KIAA1549: variants seen among roughly 807,000 people sequenced by gnomAD.
KIAA1549 encodes UPF0606 protein KIAA1549.
Under a neutral mutation model 156.4 loss-of-function variants are expected in KIAA1549, and 70 were observed. The ratio of observed to expected loss-of-function variants is 0.45; its 90% CI spans 0.37 to 0.55. The LOEUF (loss-of-function observed/expected upper bound fraction) is 0.55. Ranked by LOEUF, KIAA1549 falls within the 20% of genes least tolerant of loss-of-function variation. The probability of loss-of-function intolerance (pLI) is 0.00; values close to 1 mark genes in which losing one functional copy is unlikely to be tolerated. For synonymous variants in KIAA1549, 1,103 were observed against 1,066.4 expected, an observed-to-expected ratio of 1.03 and a Z score of -0.67; for missense variants, 2,428 against 2,540.9, an observed-to-expected ratio of 0.96 and a Z score of 0.96.
At chr7:138,965,411 G>A (rs573005121) in intron 1 of KIAA1549, among the ~76,000 whole-genome samples, 2 of 152,256 alleles carry the variant, frequency 1.3e-5, no homozygotes, top group African/African-American at 4.8e-5. Flanking sequence ...GGCTGGTCTT[G>A]AACTCCTGGG....
At chr7:138,891,922 AATG>A (rs1811559089) in intron 10 of KIAA1549, among the ~76,000 whole-genome samples, 1 of 152,200 alleles carries the variant, frequency 6.6e-6, no homozygotes, top group Non-Finnish European at 1.5e-5. Context: ...TTTTAAACTA[AATG>A]AAGAGATCAT....
At chr7:138,920,168 C>CG in intron 1 of KIAA1549, among the ~76,000 whole-genome samples, 2 of 145,708 alleles carry the variant, frequency 1.4e-5, no homozygotes, top group Non-Finnish European at 1.5e-5. Context: ...CTGGAATGCC[C>CG]TTCCCAGCTC....
intron 10 of KIAA1549, among the ~76,000 whole-genome samples, chr7:138,887,175 G>C (rs1811416857): frequency 6.6e-6 from 1 of 151,976 alleles, no homozygotes; most frequent in Non-Finnish European, 1.5e-5. Flanking sequence ...CTCCCAAAGT[G>C]CTGGCATTAC....
At chr7:138,884,622 T>G (rs1357510527) in intron 10 of KIAA1549, among the ~76,000 whole-genome samples, 1 of 152,270 alleles carries the variant, frequency 6.6e-6, no homozygotes, top group African/African-American at 2.4e-5. Context: ...TGTTTTTGTT[T>G]TTGTTTAATT....
In KIAA1549 at chr7:138,877,533, T is replaced by C. The variant is rs146279068; in HGVS notation, c.4345+2005A>G. On this transcript the variant is annotated intron_variant, in intron 12 of 19. Coordinates refer to ENST00000422774, the MANE Select transcript of KIAA1549 (RefSeq NM_001164665.2). Reference sequence around the variant, plus strand: ...TTTAAAAAATAAAATAACTGAAAGCTAGGAGAAAAACTCAGAATATTTTAA... The same window carrying C: ...TTTAAAAAATAAAATAACTGAAAGCCAGGAGAAAAACTCAGAATATTTTAA... Among the ~76,000 whole-genome samples the C allele has an allele frequency of 8.5e-5, 13 of 152,270 alleles. No individual in the cohort carries two copies. The East Asian group carries it at 2.5e-3, about 29-fold the overall frequency.
intron 2 of KIAA1549, 36 bp from the exon 3 acceptor site, chr7:138,912,496 T>C (rs1394392915): frequency 6.5e-7 from 1 of 1,538,622 alleles, no homozygotes; most frequent in Non-Finnish European, 9.0e-7. Flanking sequence ...TGCCTTTTCA[T>C]GTCATTATGA....
In KIAA1549 at chr7:138,981,247, C is replaced by G. The variant is rs1814543677; in HGVS notation, c.23G>C (p.Arg8Pro). The part of the protein sequence containing the change: MPGARRR[R>P]RGAAMEGKPR... ...CTTCCCCTCCATGGCCGCGCCTCGGCGTCGGCGCCGCGCCCCCGGCATTCC... is the reference window on the plus strand; with the variant it reads ...CTTCCCCTCCATGGCCGCGCCTCGGGGTCGGCGCCGCGCCCCCGGCATTCC... The change falls in exon 1 of 20, where the codon CGC (arginine) becomes CCC (proline). Residue 8 changes from arginine to proline, a missense_variant. Transcript: ENST00000422774. This position sits in a 1 kb window ranked among gnomAD's most constrained non-coding sequence, Gnocchi z 4.5. 1.0e-6 allele frequency: 1 copy of G among 982,634 alleles called. No homozygotes were observed. Among genetic ancestry groups the G allele is most frequent in the Non-Finnish European group, 1.2e-6 (1 of 829,522 alleles). The allele number at this position is 982,634 out of a possible 1,614,324, so 60.9% of individuals were successfully genotyped here. A position where few individuals can be genotyped will look rare whatever the true frequency, so the allele number is the denominator to read the frequency against.
chr7:138,948,507 G>A (rs1212495097), intron 1 of KIAA1549, among the ~76,000 whole-genome samples: 1 of 152,160 alleles, frequency 6.6e-6, no homozygotes, highest in African/African-American at 2.4e-5. Context: ...AACCGTGAGA[G>A]TAAACTTCTG....
chr7:138,872,146 G>A (rs550341654), intron 12 of KIAA1549, among the ~76,000 whole-genome samples: 1 of 151,928 alleles, frequency 6.6e-6, no homozygotes, highest in Non-Finnish European at 1.5e-5. Context: ...AAGGTTTCAC[G>A]ATATTGTCCA....
intron 17 of KIAA1549, among the ~76,000 whole-genome samples, chr7:138,849,889 T>C (rs868593942): frequency 6.6e-6 from 1 of 152,200 alleles, no homozygotes; most frequent in African/African-American, 2.4e-5. Flanking sequence ...GCAAAAGACA[T>C]GATTTCGCTC....
At chr7:138,856,540 A>G (rs926030936) in intron 16 of KIAA1549, among the ~76,000 whole-genome samples, 5 of 152,124 alleles carry the variant, frequency 3.3e-5, no homozygotes, top group African/African-American at 9.7e-5. Flanking sequence ...TCTGACAACC[A>G]TTCTTCACTC....
chr7:138,871,070 G>A (rs562855688), intron 13 of KIAA1549, 87 bp downstream of exon 13: 56 of 1,280,450 alleles, frequency 4.4e-5, no homozygotes, highest in Non-Finnish European at 5.7e-5. Context: ...GCCTGCCTTG[G>A]CCCCCCCAAG....
chr7:138,968,417 C>G (rs931989051), intron 1 of KIAA1549, among the ~76,000 whole-genome samples: 1 of 152,098 alleles, frequency 6.6e-6, no homozygotes, highest in Non-Finnish European at 1.5e-5. Context: ...TAATATTAAA[C>G]AGAAATTTTT....
chr7:138,934,270 C>G (rs1812948055), intron 1 of KIAA1549, among the ~76,000 whole-genome samples: 2 of 152,064 alleles, frequency 1.3e-5, no homozygotes, highest in South Asian at 4.2e-4. Flanking sequence ...CCACAAGACA[C>G]AGGGTACCTG....
At chr7:138,844,758 C>G (rs1007942561) in intron 17 of KIAA1549, among the ~76,000 whole-genome samples, 13 of 152,046 alleles carry the variant, frequency 8.6e-5, no homozygotes, top group African/African-American at 3.1e-4. Context: ...TCCTGTGCTT[C>G]CTACCCCTGG....
At chr7:138,968,193 T>C (rs771268445) in intron 1 of KIAA1549, among the ~76,000 whole-genome samples, 6 of 151,646 alleles carry the variant, frequency 4.0e-5, no homozygotes, top group Admixed American at 1.3e-4. Context: ...TCTCGGTAGG[T>C]GGGGTGGGAG....
rs74700697 is a variant in KIAA1549 at position 138,895,264 on chromosome 7, C to T, written c.3848-738G>A. On this transcript the variant is annotated intron_variant, in intron 9 of 19. Transcript: ENST00000422774. Reference sequence around the variant, plus strand: ...CAAAGCAAAACAGAGTAAGGAGATACGACATGTGCACCAGTGCAACTGGTC... The same window carrying T: ...CAAAGCAAAACAGAGTAAGGAGATATGACATGTGCACCAGTGCAACTGGTC... Among the ~76,000 whole-genome samples the T allele has an allele frequency of 9.9e-4, 150 of 152,246 alleles. No individual in the cohort carries two copies. In the East Asian group the frequency reaches 0.025, roughly 25 times the overall value.
At chr7:138,957,629 C>A (rs931738596) in intron 1 of KIAA1549, among the ~76,000 whole-genome samples, 2 of 152,218 alleles carry the variant, frequency 1.3e-5, no homozygotes, top group Admixed American at 1.3e-4. Context: ...AGGTTCGCAT[C>A]ATGACACCCA....
At position 138,981,066 on chromosome 7, in the gene KIAA1549, G is replaced by C; in HGVS notation, c.187+17C>G. On this transcript the variant is annotated intron_variant, in intron 1 of 19. Transcript: ENST00000422774. The surrounding 1 kb of genome is among the most constrained non-coding windows in gnomAD (Gnocchi z 4.5). ...GCGGGGTCGCGGCCGCGTTCCGAGGGTCTCGGCGGAGCTTACCTGGGGCGC... is the reference window on the plus strand; with the variant it reads ...GCGGGGTCGCGGCCGCGTTCCGAGGCTCTCGGCGGAGCTTACCTGGGGCGC... The C allele has an allele frequency of 8.2e-7, 1 of 1,224,774 alleles. No individual in the cohort carries two copies. The highest frequency in any genetic ancestry group is 4.3e-5 in the Admixed American group (1 of 23,366). 75.9% of individuals were successfully genotyped at this position (1,224,774 alleles called of 1,614,324 possible).
Sources: gnomAD v4.1 joint callset for allele counts (sites outside exome capture counted in the v4.1 genomes callset) on GRCh38, gnomAD v4.1.1 for gene constraint, Gnocchi (gnomAD v3.1) non-coding constraint, MANE v1.5 for transcripts, NCBI Gene and HGNC (gene_info 2026-07-23, HGNC 2026-07-21) for gene names.